C1QTNF3: variants seen among roughly 807,000 people sequenced by gnomAD.
C1QTNF3 encodes complement C1q tumor necrosis factor-related protein 3.
In C1QTNF3, 26 loss-of-function variants were observed where a neutral mutation model predicts 32.6. The observed-to-expected ratio is 0.80, with a 90% CI of 0.58 to 1.11. C1QTNF3 has a LOEUF of 1.11. C1QTNF3 is among the 50% of genes least tolerant of loss of function. C1QTNF3 has a pLI of 0.00. For missense variants in C1QTNF3, 362 were observed against 398.2 expected (o/e 0.91, Z 0.77); for synonymous variants, 155 against 146.0 (o/e 1.06, Z -0.44).
At chr5:34,126,595 G>T in the C1QTNF3 span, among the ~76,000 whole-genome samples, 2 of 145,532 alleles carry the variant, frequency 1.4e-5, no homozygotes, top group Non-Finnish European at 3.0e-5. Flanking sequence ...TGATTTCTGA[G>T]TGTATGTCTA....
upstream of C1QTNF3, among the ~76,000 whole-genome samples, chr5:34,045,698 A>T (rs1464581480): frequency 6.6e-6 from 1 of 152,012 alleles, no homozygotes; most frequent in Non-Finnish European, 1.5e-5. Flanking sequence ...ATAGAGAAAG[A>T]TCTACAGAGA....
the C1QTNF3 span, among the ~76,000 whole-genome samples, chr5:34,102,873 C>A: frequency 1.3e-5 from 2 of 152,324 alleles, no homozygotes; most frequent in Non-Finnish European, 2.9e-5. Context: ...AGGAGATACA[C>A]CTAATGTAAA....
the C1QTNF3 span, among the ~76,000 whole-genome samples, chr5:34,176,524 T>C: frequency 4.6e-5 from 7 of 152,146 alleles, no homozygotes; most frequent in Non-Finnish European, 1.0e-4. Flanking sequence ...TGATACTCAA[T>C]TTTTCTTACT....
chr5:34,211,249 G>C, the C1QTNF3 span, among the ~76,000 whole-genome samples: 3 of 151,338 alleles, frequency 2.0e-5, no homozygotes, highest in African/African-American at 7.3e-5. Flanking sequence ...TATTCCCATT[G>C]CTTAGTTTCA....
At chr5:34,082,602 GT>G in the C1QTNF3 span, among the ~76,000 whole-genome samples, 72 of 151,772 alleles carry the variant, frequency 4.7e-4, 6 homozygotes, top group African/African-American at 1.7e-3. Flanking sequence ...AGGGTTTAAA[GT>G]TTGGAAACAT....
the C1QTNF3 span, among the ~76,000 whole-genome samples, chr5:34,215,734 G>C: frequency 8.1e-3 from 1,240 of 152,200 alleles, 5 homozygotes; most frequent in Non-Finnish European, 0.013. Flanking sequence ...CCAGGCTCAA[G>C]TGACCCTCCC....
the C1QTNF3 span, among the ~76,000 whole-genome samples, chr5:34,140,064 A>G: frequency 7.0e-4 from 106 of 152,324 alleles, no homozygotes; most frequent in African/African-American, 2.4e-3. Flanking sequence ...TTCAGGGCAC[A>G]CTGTCACAAT....
chr5:34,195,324 T>C, the C1QTNF3 span, among the ~76,000 whole-genome samples: 164 of 139,198 alleles, frequency 1.2e-3, no homozygotes, highest in African/African-American at 4.3e-3. Flanking sequence ...ATATATAATC[T>C]GAAATAAAAA....
chr5:34,038,469 GC>G (rs1754792694), intron 1 of C1QTNF3, among the ~76,000 whole-genome samples: 1 of 152,114 alleles, frequency 6.6e-6, no homozygotes, highest in African/African-American at 2.4e-5. Context: ...AGAGAGAGAA[GC>G]CTCAGATCCA....
chr5:34,071,725 G>T, the C1QTNF3 span, among the ~76,000 whole-genome samples: 2 of 152,116 alleles, frequency 1.3e-5, no homozygotes, highest in Non-Finnish European at 2.9e-5. Flanking sequence ...TAGCATCAGT[G>T]ATCATCTACT....
the C1QTNF3 span, among the ~76,000 whole-genome samples, chr5:34,213,661 T>G: frequency 1.4e-5 from 2 of 147,346 alleles, no homozygotes; most frequent in African/African-American, 5.0e-5. Context: ...CCTATTAATA[T>G]AGATATAGCC....
chr5:34,037,212 T>A (rs1384490208), intron 1 of C1QTNF3, among the ~76,000 whole-genome samples: 4 of 152,156 alleles, frequency 2.6e-5, no homozygotes, highest in African/African-American at 4.8e-5. Flanking sequence ...TACAAAATAC[T>A]TGTGGAAATG....
chr5:34,076,614 C>T, the C1QTNF3 span, among the ~76,000 whole-genome samples: 2 of 151,450 alleles, frequency 1.3e-5, no homozygotes, highest in Admixed American at 1.3e-4. Flanking sequence ...TCAGTGGCAT[C>T]TAGGAGCTGC....
At chr5:34,045,219 C>T (rs908506667), upstream of C1QTNF3, among the ~76,000 whole-genome samples, 10 of 152,214 alleles carry the variant, frequency 6.6e-5, no homozygotes, top group African/African-American at 2.4e-4. Context: ...TATAAATCAG[C>T]CTCTGACTTT....
chr5:34,154,028 AAAAT>A, the C1QTNF3 span, among the ~76,000 whole-genome samples: 150 of 85,304 alleles, frequency 1.8e-3, 1 homozygote, highest in African/African-American at 6.3e-3. Flanking sequence ...TTAAACCTGC[AAAAT>A]AAAAAAAAAA....
chr5:34,147,986 C>T, the C1QTNF3 span, among the ~76,000 whole-genome samples: 3 of 152,204 alleles, frequency 2.0e-5, no homozygotes, highest in East Asian at 2.0e-4. Context: ...TGGGCGCAGG[C>T]CAGTGTGTGT....
chr5:34,047,981 T>A (rs1755014286), upstream of C1QTNF3, among the ~76,000 whole-genome samples: 1 of 152,100 alleles, frequency 6.6e-6, no homozygotes, highest in Admixed American at 6.6e-5. Context: ...CTGGTCAGGA[T>A]GTTACAATTT....
chr5:34,228,595 G>A, the C1QTNF3 span, among the ~76,000 whole-genome samples: 1 of 147,970 alleles, frequency 6.8e-6, no homozygotes, highest in African/African-American at 2.5e-5. Flanking sequence ...TGACTCTTAG[G>A]ATTCTTCCAA....
At chr5:34,021,601 C>T (rs840382) in intron 5 of C1QTNF3, among the ~76,000 whole-genome samples, 69,896 of 152,074 alleles carry the variant, frequency 0.46, 16,729 homozygotes, top group South Asian at 0.71. Flanking sequence ...TGAGTTCATG[C>T]CCTTTGCAGG....
Sources: gnomAD v4.1 joint callset for allele counts (sites outside exome capture counted in the v4.1 genomes callset) on GRCh38, gnomAD v4.1.1 for gene constraint, MANE v1.5 for transcripts, NCBI Gene and HGNC (gene_info 2026-07-23, HGNC 2026-07-21) for gene names.